BPIFA2: variants seen among roughly 807,000 people sequenced by gnomAD.
The protein encoded by BPIFA2 is BPI fold containing family A member 2, also known as BPI fold-containing family A member 2.
Under a neutral mutation model 25.7 loss-of-function variants are expected in BPIFA2, and 20 were observed. The ratio of observed to expected loss-of-function variants is 0.78; its 90% confidence interval spans 0.55 to 1.13. BPIFA2 has a LOEUF of 1.13. BPIFA2 is among the 50% of genes most tolerant of loss of function. The pLI is 0.00. For missense variants in BPIFA2, 300 were observed against 298.1 expected (o/e 1.01, Z -0.05); for synonymous variants, 126 against 124.3 (o/e 1.01, Z -0.09).
chr20:33,169,105 C>T (rs762795271), intron 1 of BPIFA2, 26 bp from the exon 2 acceptor site: 11 of 1,592,040 alleles, frequency 6.9e-6, no homozygotes, highest in Middle Eastern at 1.8e-4. Context: ...GCAATTCTCA[C>T]TCCTGTTCTT....
rs372285288 is a variant in BPIFA2, at chr20:33,175,459, G to A, written c.463G>A (p.Ala155Thr). The change falls in exon 5 of 9, where the codon GCA (alanine) becomes ACA (threonine). Residue 155 changes from alanine to threonine, a missense_variant. By Grantham distance (58) the Ala-to-Thr change is moderately conservative (BLOSUM62 0). Transcript: ENST00000354932. ...GAAAGCCTCCTTGGACCTCCTGACC[G>A]CAGTCACAATTGAAACTGATCCCCA... is the stretch of plus-strand genomic sequence containing the variant. Reference protein sequence around the residue: ...NLKASLDLLTAVTIETDPQTH... With the variant: ...NLKASLDLLTTVTIETDPQTH... 50 of 1,613,722 alleles carry A rather than the reference G, an allele frequency of 3.1e-5. No homozygotes were observed. Among genetic ancestry groups the A allele is most frequent in the Middle Eastern group, 1.6e-4 (1 of 6,080 alleles).
chr20:33,173,605 A>C (rs1256563334), intron 3 of BPIFA2, among the ~76,000 whole-genome samples: 1 of 152,172 alleles, frequency 6.6e-6, no homozygotes, highest in Non-Finnish European at 1.5e-5. Flanking sequence ...CCTGGGTTCA[A>C]GCGATTCTCC....
chr20:33,167,272 G>A (rs566806034), upstream of BPIFA2, among the ~76,000 whole-genome samples: 3 of 152,346 alleles, frequency 2.0e-5, no homozygotes, highest in South Asian at 6.2e-4. Context: ...CTGAGGCCAA[G>A]TGGGCACCCA....
intron 2 of BPIFA2, 35 bp downstream of exon 2, chr20:33,169,337 A>T (rs1267822904): frequency 6.2e-7 from 1 of 1,603,750 alleles, no homozygotes; most frequent in East Asian, 2.2e-5. Context: ...GTGTCACCTA[A>T]ATTAGCCTCC....
intron 4 of BPIFA2, among the ~76,000 whole-genome samples, chr20:33,174,561 A>G (rs564717546): frequency 6.6e-6 from 1 of 152,344 alleles, no homozygotes; most frequent in South Asian, 2.1e-4. Flanking sequence ...AGAAAAATTC[A>G]TACAATAATA....
chr20:33,180,482 G>T (rs1326388732), intron 7 of BPIFA2, 38 bp from the exon 8 acceptor site: 1 of 1,596,754 alleles, frequency 6.3e-7, no homozygotes, highest in Non-Finnish European at 8.6e-7. Flanking sequence ...AATTCCAGTG[G>T]CAGAGACTAA....
chr20:33,165,017 G>A (rs915904477), upstream of BPIFA2, among the ~76,000 whole-genome samples: 3 of 152,234 alleles, frequency 2.0e-5, no homozygotes, highest in African/African-American at 7.2e-5. Flanking sequence ...GTCCAGATGT[G>A]GAATCCGGGA....
At chr20:33,164,482 C>A (rs1416924784), upstream of BPIFA2, among the ~76,000 whole-genome samples, 1 of 152,026 alleles carries the variant, frequency 6.6e-6, no homozygotes, top group South Asian at 2.1e-4. Context: ...ACTGGCGAGA[C>A]GTGGCTGACC....
chr20:33,177,054 C>A (rs1345207814), intron 5 of BPIFA2, among the ~76,000 whole-genome samples: 1 of 152,096 alleles, frequency 6.6e-6, no homozygotes, highest in Non-Finnish European at 1.5e-5. Flanking sequence ...TTCATTCTTT[C>A]AGCCAAAAAT....
At position 33,175,395 on chromosome 20, in the gene BPIFA2, T is replaced by G; in HGVS notation, c.411-12T>G. 6.2e-7 allele frequency: 1 copy of G among 1,612,764 alleles called. No individual in the cohort carries two copies. The highest frequency in any genetic ancestry group is 1.1e-5 in the South Asian group (1 of 90,832). Reference sequence around the variant, plus strand: ...TCTAGACTTTGTTCACTGTGCATCTTACTTCCTGCAGGCCCATCATTGGCC... The same window carrying G: ...TCTAGACTTTGTTCACTGTGCATCTGACTTCCTGCAGGCCCATCATTGGCC... On this transcript the variant is annotated splice_polypyrimidine_tract_variant and intron_variant, in intron 4 of 8. Coordinates refer to ENST00000354932, the MANE Select transcript of BPIFA2 (RefSeq NM_080574.4).
At chr20:33,174,027 G>A in intron 3 of BPIFA2, 52 bp from the exon 4 acceptor site, 1 of 1,489,610 alleles carries the variant, frequency 6.7e-7, no homozygotes, top group Admixed American at 1.7e-5. Context: ...GGAAGTGGTT[G>A]GCAAGTGGCT....
At chr20:33,174,709 G>A (rs1242227431) in intron 4 of BPIFA2, among the ~76,000 whole-genome samples, 3 of 152,080 alleles carry the variant, frequency 2.0e-5, no homozygotes, top group Admixed American at 6.6e-5. Context: ...TCAGGAGTTC[G>A]TGACCAGCCA....
At chr20:33,170,113 C>T (rs1207296933) in intron 2 of BPIFA2, among the ~76,000 whole-genome samples, 1 of 152,174 alleles carries the variant, frequency 6.6e-6, no homozygotes, top group African/African-American at 2.4e-5. Context: ...AATTTCACAG[C>T]TGAGAAAACT....
rs1333120231 is a variant in BPIFA2 at position 33,168,226 on chromosome 20, C to T, written c.-16+17C>T. 1 of 152,290 alleles carries T rather than the reference C, an allele frequency of 6.6e-6. No individual in the cohort carries two copies. The highest frequency in any genetic ancestry group is 2.4e-5 in the African/African-American group (1 of 41,470). The allele number at this position is 152,290 out of a possible 1,614,324, so 9.4% of individuals were successfully genotyped here. ...TCTAAACGCGTGAGTGGCGTGCTCC[C>T]CCCAGTGGCACCACACGTGGTGGTC... On this transcript the variant is annotated intron_variant, in intron 1 of 8. Transcript: ENST00000354932.
At chr20:33,162,386 A>C (rs571546969) in intron 1 of BPIFA2, among the ~76,000 whole-genome samples, 30 of 152,306 alleles carry the variant, frequency 2.0e-4, no homozygotes, top group Admixed American at 1.5e-3. Flanking sequence ...CCTACTAGCC[A>C]GGATTAGCAC....
chr20:33,169,390 A>C, intron 2 of BPIFA2, 88 bp downstream of exon 2: 1 of 1,365,954 alleles, frequency 7.3e-7, no homozygotes, highest in Non-Finnish European at 1.0e-6. Context: ...ACCAGGGGCT[A>C]CTCTTTATGG....
At chr20:33,161,962 G>A (rs1190594958) in intron 1 of BPIFA2, 1 of 152,180 alleles carries the variant, frequency 6.6e-6, no homozygotes, top group East Asian at 1.9e-4. Context: ...AAGGAGCTAT[G>A]GTACTTCTCC....
At chr20:33,169,437 C>A in intron 2 of BPIFA2, 135 bp downstream of exon 2, 1 of 779,108 alleles carries the variant, frequency 1.3e-6, no homozygotes, top group Non-Finnish European at 2.0e-6. Context: ...CAATTCCTGA[C>A]TCATTCGTTT....
At chr20:33,162,012 G>C (rs145561823) in intron 1 of BPIFA2, 2 of 152,028 alleles carry the variant, frequency 1.3e-5, no homozygotes, top group Non-Finnish European at 2.9e-5. Flanking sequence ...ATGGGGTCTC[G>C]CTCCGTCGCC....
Sources: gnomAD v4.1 joint callset for allele counts (sites outside exome capture counted in the v4.1 genomes callset) on GRCh38, gnomAD v4.1.1 for gene constraint, MANE v1.5 for transcripts, NCBI Gene and HGNC (gene_info 2026-07-23, HGNC 2026-07-21) for gene names.